COL8A1: variants seen among roughly 807,000 people sequenced by gnomAD.
The protein encoded by COL8A1 is collagen alpha-1(VIII) chain.
COL8A1 carries 21 observed loss-of-function variants against 42.7 expected under a neutral mutation model. The observed-to-expected ratio is 0.49, with a 90% CI of 0.35 to 0.71. The LOEUF (loss-of-function observed/expected upper bound fraction) is 0.71, where lower values mean the gene tolerates loss of function less well. COL8A1 is among the 30% of genes least tolerant of loss of function. The probability of loss-of-function intolerance (pLI) is 0.01; values close to 1 mark genes in which losing one functional copy is unlikely to be tolerated. For synonymous variants in COL8A1, 367 were observed against 369.1 expected (o/e 0.99, Z 0.06); for missense variants, 788 against 962.4 (o/e 0.82, Z 2.40).
rs182714624 is a variant in COL8A1 at position 99,790,996 on chromosome 3, C to T, written c.314C>T (p.Pro105Leu). The part of the protein sequence containing the change: ...PAPRMGKEAV[P>L]KKGKEIPLAS... ...CCAAGAATGGGCAAGGAAGCCGTAC[C>T]CAAGAAAGGCAAAGGTAACATCATA... The change falls in exon 3 of 4, where the codon CCC (proline) becomes CTC (leucine). Residue 105 changes from proline to leucine, a missense_variant. By Grantham distance (98) the Pro-to-Leu change is moderately conservative. This residue lies in a region of COL8A1 where 421 missense variants were observed against 553.1 expected (regional missense o/e 0.76). Coordinates refer to ENST00000652472, the MANE Select transcript of COL8A1 (RefSeq NM_020351.4). The T allele has an allele frequency of 6.2e-7, 1 of 1,611,262 alleles. No homozygotes were observed. Among genetic ancestry groups the T allele is most frequent in the South Asian group, 1.1e-5 (1 of 90,996 alleles).
intron 1 of COL8A1, among the ~76,000 whole-genome samples, chr3:99,737,561 C>G (rs913932426): frequency 6.6e-6 from 1 of 152,124 alleles, no homozygotes; most frequent in Admixed American, 6.5e-5. Flanking sequence ...GGCCCCCACT[C>G]TCTTCTGGCT....
chr3:99,733,263 G>C (rs1343606646), intron 1 of COL8A1, among the ~76,000 whole-genome samples: 3 of 149,360 alleles, frequency 2.0e-5, no homozygotes, highest in Non-Finnish European at 3.0e-5. Context: ...TCATCATCTA[G>C]CATTAGGTAT....
chr3:99,671,146 CA>C (rs67282997), intron 1 of COL8A1, among the ~76,000 whole-genome samples: 5,208 of 151,862 alleles, frequency 0.034, 146 homozygotes, highest in East Asian at 0.063. Context: ...AAGATGATCT[CA>C]AAGGAATAGG....
intron 2 of COL8A1, among the ~76,000 whole-genome samples, chr3:99,755,942 ACTT>A (rs1280534924): frequency 2.0e-5 from 3 of 152,086 alleles, no homozygotes; most frequent in Non-Finnish European, 4.4e-5. Flanking sequence ...GATCTGGTCT[ACTT>A]CTTTAAATCA....
At chr3:99,737,857 G>A (rs1940775971) in intron 1 of COL8A1, among the ~76,000 whole-genome samples, 4 of 151,454 alleles carry the variant, frequency 2.6e-5, no homozygotes, top group Admixed American at 2.6e-4. Flanking sequence ...TCACTTTCAG[G>A]TACACCAATC....
intron 1 of COL8A1, among the ~76,000 whole-genome samples, chr3:99,666,196 A>G (rs1443438636): frequency 6.6e-6 from 1 of 152,190 alleles, no homozygotes; most frequent in South Asian, 2.1e-4. Flanking sequence ...AAGGTGCTCT[A>G]ATCATCAAAA....
chr3:99,639,288 C>A (rs2107276242), intron 1 of COL8A1, among the ~76,000 whole-genome samples: 1 of 152,302 alleles, frequency 6.6e-6, no homozygotes, highest in East Asian at 1.9e-4. Flanking sequence ...GCTCTCTCAC[C>A]AGGCTATCTT....
At chr3:99,738,342 C>T (rs1220582736) in intron 1 of COL8A1, among the ~76,000 whole-genome samples, 9 of 152,188 alleles carry the variant, frequency 5.9e-5, no homozygotes, top group Non-Finnish European at 1.3e-4. Flanking sequence ...TGTTTTTTCC[C>T]CATCTTTGTG....
chr3:99,686,520 A>G (rs932545312), intron 1 of COL8A1, among the ~76,000 whole-genome samples: 1 of 152,164 alleles, frequency 6.6e-6, no homozygotes, highest in Non-Finnish European at 1.5e-5. Flanking sequence ...AACAGTGAAG[A>G]TTCAGTAGGA....
At chr3:99,704,110 T>C (rs1939615475) in intron 1 of COL8A1, among the ~76,000 whole-genome samples, 2 of 152,200 alleles carry the variant, frequency 1.3e-5, no homozygotes, top group African/African-American at 4.8e-5. Context: ...TACACAATTA[T>C]GTAAAATGTT....
At chr3:99,689,964 T>C (rs996214256) in intron 1 of COL8A1, among the ~76,000 whole-genome samples, 3 of 152,222 alleles carry the variant, frequency 2.0e-5, no homozygotes, top group Non-Finnish European at 4.4e-5. Flanking sequence ...TCTTCCTTTT[T>C]ATTTTTCTTT....
intron 1 of COL8A1, among the ~76,000 whole-genome samples, chr3:99,696,840 C>G (rs1939383999): frequency 6.6e-6 from 1 of 152,160 alleles, no homozygotes; most frequent in Non-Finnish European, 1.5e-5. Context: ...TTAGGTATAA[C>G]CGATTCAGCT....
At chr3:99,681,552 C>T (rs1938883179) in intron 1 of COL8A1, among the ~76,000 whole-genome samples, 1 of 152,154 alleles carries the variant, frequency 6.6e-6, no homozygotes, top group South Asian at 2.1e-4. Context: ...GAAACAAAAA[C>T]TATGAAGTGT....
At chr3:99,662,595 T>A (rs910838333) in intron 1 of COL8A1, among the ~76,000 whole-genome samples, 2 of 152,180 alleles carry the variant, frequency 1.3e-5, no homozygotes, top group Non-Finnish European at 2.9e-5. Flanking sequence ...GTACTTATAA[T>A]GACTATCAGA....
At chr3:99,651,456 A>T (rs1937843920) in intron 1 of COL8A1, among the ~76,000 whole-genome samples, 1 of 152,234 alleles carries the variant, frequency 6.6e-6, no homozygotes, top group Non-Finnish European at 1.5e-5. Context: ...ACAACCTGAA[A>T]CACTGCGAAG....
intron 1 of COL8A1, among the ~76,000 whole-genome samples, chr3:99,728,801 T>A (rs1940413190): frequency 6.6e-6 from 1 of 152,032 alleles, no homozygotes; most frequent in Non-Finnish European, 1.5e-5. Context: ...AGCAAAGGAA[T>A]CCACTTACTT....
chr3:99,639,168 C>T (rs1937453695), intron 1 of COL8A1, among the ~76,000 whole-genome samples: 1 of 152,122 alleles, frequency 6.6e-6, no homozygotes. Context: ...GGTTTTAGCG[C>T]TTGGAAAAAA....
At chr3:99,642,595 G>A (rs551594058) in intron 1 of COL8A1, among the ~76,000 whole-genome samples, 25 of 152,198 alleles carry the variant, frequency 1.6e-4, no homozygotes, top group African/African-American at 4.3e-4. Context: ...CACTTCCATC[G>A]TCCCTCCTGG....
intron 2 of COL8A1, among the ~76,000 whole-genome samples, chr3:99,750,998 G>C (rs1455136068): frequency 6.6e-6 from 1 of 152,162 alleles, no homozygotes; most frequent in Non-Finnish European, 1.5e-5. Flanking sequence ...ACACATCTTT[G>C]AGCTGGATAG....
Sources: gnomAD v4.1 joint callset for allele counts (sites outside exome capture counted in the v4.1 genomes callset) on GRCh38, gnomAD v4.1.1 for gene constraint, gnomAD v4.1.1 regional missense constraint, MANE v1.5 for transcripts, NCBI Gene and HGNC (gene_info 2026-07-23, HGNC 2026-07-21) for gene names.